DENND2B: variants seen among roughly 807,000 people sequenced by gnomAD.
The protein encoded by DENND2B is DENN domain-containing protein 2B.
Under a neutral mutation model 116.0 loss-of-function variants are expected in DENND2B, and 32 were observed. The observed-to-expected ratio is 0.28, with a 90% CI of 0.21 to 0.37. DENND2B has a LOEUF of 0.37. DENND2B is among the 10% of genes least tolerant of loss of function. The pLI is 1.00. For synonymous variants in DENND2B, 588 were observed against 583.9 expected, an observed-to-expected ratio of 1.01 and a Z score of -0.10; for missense variants, 1,276 against 1,477.7, an observed-to-expected ratio of 0.86 and a Z score of 2.24.
rs573197181 is a variant in DENND2B, at chr11:8,766,628, C to T, written c.-25-15903G>A. The stretch of plus-strand genomic sequence containing the variant: ...CAGGCTTTCTGGGTGAAGATCTGCA[C>T]GAAAATACCTTCTTTGTTCCCACGG... On this transcript the variant is annotated intron_variant, in intron 1 of 19. Coordinates refer to ENST00000313726, the MANE Select transcript of DENND2B (RefSeq NM_213618.2). The T allele has an allele frequency of 2.4e-4, 310 of 1,289,180 alleles. No homozygotes were observed. The African/African-American group carries it at 3.3e-3, about 14-fold the overall frequency. 79.9% of individuals were successfully genotyped at this position (1,289,180 alleles called of 1,614,324 possible).
At chr11:8,698,425 A>G (rs1223473663) in intron 16 of DENND2B, among the ~76,000 whole-genome samples, 1 of 152,224 alleles carries the variant, frequency 6.6e-6, no homozygotes, top group Non-Finnish European at 1.5e-5. Flanking sequence ...GTAACAGACA[A>G]TAAGTACATT....
At chr11:8,903,456 C>T (rs554407008) in intron 1 of DENND2B, among the ~76,000 whole-genome samples, 1 of 127,830 alleles carries the variant, frequency 7.8e-6, no homozygotes, top group South Asian at 2.5e-4. Context: ...AAAACTTTAA[C>T]TAGACTGACC....
At chr11:8,718,211 G>A in intron 4 of DENND2B, 2 of 833,256 alleles carry the variant, frequency 2.4e-6, no homozygotes, top group Non-Finnish European at 3.9e-6. Context: ...CCCAGCCAGA[G>A]GACAAAGCCA....
intron 2 of DENND2B, among the ~76,000 whole-genome samples, chr11:8,738,640 T>G (rs1349790627): frequency 1.3e-5 from 2 of 152,212 alleles, no homozygotes; most frequent in African/African-American, 4.8e-5. Flanking sequence ...GTCTCTTAAC[T>G]CCTCTTTCTG....
chr11:8,779,519 T>C (rs1274856913), intron 1 of DENND2B, among the ~76,000 whole-genome samples: 1 of 150,452 alleles, frequency 6.6e-6, no homozygotes, highest in Non-Finnish European at 1.5e-5. Flanking sequence ...TCTTTCTTTT[T>C]TTTTTTTTTT....
intron 1 of DENND2B, among the ~76,000 whole-genome samples, chr11:8,773,866 G>T (rs1188287042): frequency 6.6e-6 from 1 of 152,094 alleles, no homozygotes; most frequent in East Asian, 1.9e-4. Context: ...CTTTGCAACT[G>T]TTCTGTAAAT....
At chr11:8,789,796 A>G (rs1358899959) in intron 1 of DENND2B, among the ~76,000 whole-genome samples, 1 of 152,222 alleles carries the variant, frequency 6.6e-6, no homozygotes, top group Non-Finnish European at 1.5e-5. Context: ...AAAATAAAAA[A>G]ATAGCAGATT....
intron 1 of DENND2B, among the ~76,000 whole-genome samples, chr11:8,893,655 A>T (rs2064061511): frequency 6.6e-6 from 1 of 152,206 alleles, no homozygotes; most frequent in Non-Finnish European, 1.5e-5. Flanking sequence ...CAACTGCTTC[A>T]AAGAGAATAA....
At chr11:8,881,616 A>G (rs2063904577) in intron 1 of DENND2B, among the ~76,000 whole-genome samples, 1 of 152,184 alleles carries the variant, frequency 6.6e-6, no homozygotes, top group South Asian at 2.1e-4. Flanking sequence ...GCCCACTGCA[A>G]CCTCTGCCTC....
chr11:8,868,927 G>A (rs1369534858), intron 2 of DENND2B, among the ~76,000 whole-genome samples: 2 of 152,222 alleles, frequency 1.3e-5, no homozygotes, highest in Admixed American at 6.5e-5. Flanking sequence ...CGCCCAGGAC[G>A]GCTCTGAGTG....
chr11:8,840,007 T>C (rs1233195736), intron 3 of DENND2B, among the ~76,000 whole-genome samples: 3 of 152,056 alleles, frequency 2.0e-5, no homozygotes. Context: ...GGGTTTTTTT[T>C]CAAGGCAGCT....
chr11:8,760,280 C>T (rs917251044), intron 1 of DENND2B, among the ~76,000 whole-genome samples: 4 of 152,266 alleles, frequency 2.6e-5, no homozygotes, highest in Middle Eastern at 3.4e-3. Flanking sequence ...AACCCAGAGC[C>T]GCTGCAAGCT....
chr11:8,814,649 C>T (rs572887983), upstream of DENND2B, among the ~76,000 whole-genome samples: 35 of 152,332 alleles, frequency 2.3e-4, no homozygotes, highest in South Asian at 1.0e-3. Flanking sequence ...ACTCACCATG[C>T]TGTGTAATTA....
At chr11:8,704,986 G>A (rs773069711) in intron 13 of DENND2B, among the ~76,000 whole-genome samples, 7 of 152,124 alleles carry the variant, frequency 4.6e-5, no homozygotes, top group Non-Finnish European at 8.8e-5. Context: ...ACAAGCACAT[G>A]AGCCACGGTG....
Position 8,712,694 on chromosome 11 carries a change from G to C in DENND2B, c.2029C>G (p.Arg677Gly), listed in dbSNP as rs768886391. 3 of 1,612,216 alleles carry C rather than the reference G, an allele frequency of 1.9e-6. No homozygotes were observed. In the South Asian group the frequency reaches 3.3e-5, roughly 18 times the overall value. Reference protein sequence around the residue: ...RLVHIQSMLKRAPSYRTLELE... With the variant: ...RLVHIQSMLKGAPSYRTLELE... ...TCCAGCGTGCGATAGCTGGGGGCGC[G>C]CTTCAGCATCGACTGGATGTGGACC... Residue 677 changes from arginine to glycine, a missense_variant, in exon 9 of 20, where the codon CGC becomes GGC. Transcript: ENST00000313726. The surrounding 1 kb of genome is among the most constrained non-coding windows in gnomAD (Gnocchi z 4.4).
At chr11:8,873,879 A>C (rs535949485), upstream of DENND2B, among the ~76,000 whole-genome samples, 7 of 152,354 alleles carry the variant, frequency 4.6e-5, no homozygotes, top group Non-Finnish European at 8.8e-5. Context: ...GGATACTAGC[A>C]ACAAAAAAGA....
At chr11:8,853,410 T>C (rs568705135) in intron 3 of DENND2B, among the ~76,000 whole-genome samples, 2 of 152,278 alleles carry the variant, frequency 1.3e-5, no homozygotes, top group Admixed American at 6.5e-5. Context: ...AGGGAGCCTG[T>C]TAGCCTCCGC....
intron 1 of DENND2B, among the ~76,000 whole-genome samples, chr11:8,767,652 G>C (rs1379763798): frequency 6.6e-6 from 1 of 151,988 alleles, no homozygotes; most frequent in Non-Finnish European, 1.5e-5. Context: ...CTATTTACAG[G>C]GACTCACTCA....
chr11:8,818,377 G>A (rs1594091496), intron 4 of DENND2B, among the ~76,000 whole-genome samples: 2 of 152,184 alleles, frequency 1.3e-5, no homozygotes, highest in East Asian at 3.9e-4. Flanking sequence ...GAGGCAAGGT[G>A]CAAAGTGGAG....
Sources: gnomAD v4.1 joint callset for allele counts (sites outside exome capture counted in the v4.1 genomes callset) on GRCh38, gnomAD v4.1.1 for gene constraint, Gnocchi (gnomAD v3.1) non-coding constraint, MANE v1.5 for transcripts, NCBI Gene and HGNC (gene_info 2026-07-23, HGNC 2026-07-21) for gene names.